PTPRO: variants seen among roughly 807,000 people sequenced by gnomAD.
The protein encoded by PTPRO is receptor-type tyrosine-protein phosphatase O.
Under a neutral mutation model 145.2 loss-of-function variants are expected in PTPRO, and 62 were observed. The observed-to-expected ratio is 0.43, with a 90% CI of 0.35 to 0.53. The LOEUF (loss-of-function observed/expected upper bound fraction) is 0.53. Among genes scored for constraint, PTPRO ranks in the 20% least tolerant of loss-of-function variants. PTPRO has a pLI of 0.01. For missense variants in PTPRO, 1,345 were observed against 1,482.7 expected (o/e 0.91, Z 1.53); for synonymous variants, 565 against 514.7 (o/e 1.10, Z -1.32).
At chr12:15,495,333 T>C (rs969784184) in intron 2 of PTPRO, among the ~76,000 whole-genome samples, 8 of 150,286 alleles carry the variant, frequency 5.3e-5, no homozygotes, top group African/African-American at 2.0e-4. Flanking sequence ...AAAACAAAGA[T>C]AGATTAAGAA....
chr12:15,338,494 C>T (rs1866847425), intron 1 of PTPRO, among the ~76,000 whole-genome samples: 1 of 152,102 alleles, frequency 6.6e-6, no homozygotes, highest in Admixed American at 6.5e-5. Context: ...TATTATGAAG[C>T]ACGTTGTATA....
intron 1 of PTPRO, among the ~76,000 whole-genome samples, chr12:15,405,675 T>A (rs1279962794): frequency 2.0e-5 from 3 of 152,234 alleles, no homozygotes; most frequent in Admixed American, 2.0e-4. Context: ...CATCTGACTG[T>A]ACAAAGTATT....
chr12:15,326,205 C>A (rs1565565251), intron 1 of PTPRO, among the ~76,000 whole-genome samples: 1 of 152,158 alleles, frequency 6.6e-6, no homozygotes. Context: ...GGCAGGTGAA[C>A]CATAATCCTT....
intron 1 of PTPRO, among the ~76,000 whole-genome samples, chr12:15,384,702 A>G (rs1017076038): frequency 2.0e-5 from 3 of 152,230 alleles, no homozygotes; most frequent in African/African-American, 7.2e-5. Context: ...AACACAATTT[A>G]GTCCACAGCA....
chr12:15,391,175 C>T (rs74927650), intron 1 of PTPRO, among the ~76,000 whole-genome samples: 3,103 of 152,236 alleles, frequency 0.02, 59 homozygotes, highest in South Asian at 0.035. Context: ...TAACACAGCC[C>T]ATCCCTTGCA....
chr12:15,324,903 A>G (rs1391768863), intron 1 of PTPRO, among the ~76,000 whole-genome samples: 1 of 152,206 alleles, frequency 6.6e-6, no homozygotes, highest in Non-Finnish European at 1.5e-5. Flanking sequence ...CACATGGTAT[A>G]ATCTCTTTAT....
intron 22 of PTPRO, among the ~76,000 whole-genome samples, chr12:15,581,394 C>T (rs1226296561): frequency 2.0e-5 from 3 of 151,386 alleles, no homozygotes; most frequent in African/African-American, 7.3e-5. Flanking sequence ...CTCTGCCTCC[C>T]AGGTTCAAGC....
chr12:15,385,971 A>G (rs1274363104), intron 1 of PTPRO, among the ~76,000 whole-genome samples: 1 of 152,096 alleles, frequency 6.6e-6, no homozygotes. Flanking sequence ...AGATTTTGTA[A>G]ATGTAAACTA....
Position 15,480,307 on chromosome 12 carries a change from T to C in PTPRO, c.76-3667T>C, listed in dbSNP as rs139162963. 3.3e-5 allele frequency among the ~76,000 whole-genome samples: 5 copies of C among 152,314 alleles called. No individual in the cohort carries two copies. In the East Asian group the frequency reaches 9.6e-4, roughly 29 times the overall value. On this transcript the variant is annotated intron_variant, in intron 1 of 26. Coordinates refer to ENST00000281171, the MANE Select transcript of PTPRO (RefSeq NM_030667.3). ...TCACATTTTCTTGGATATTTGTATA[T>C]TGACTAATTTTGGACTATTTCTTGA...
chr12:15,492,300 C>T (rs1337953532), intron 2 of PTPRO, among the ~76,000 whole-genome samples: 1 of 152,054 alleles, frequency 6.6e-6, no homozygotes, highest in Non-Finnish European at 1.5e-5. Flanking sequence ...ACAACGATAA[C>T]AGTTCAGATT....
intron 1 of PTPRO, among the ~76,000 whole-genome samples, chr12:15,435,738 G>C (rs190362820): frequency 1.9e-3 from 291 of 152,208 alleles, no homozygotes; most frequent in Middle Eastern, 3.4e-3. Flanking sequence ...GAAATAACCA[G>C]GACTTAGTGA....
At chr12:15,366,420 G>A (rs1938362983) in intron 1 of PTPRO, among the ~76,000 whole-genome samples, 1 of 152,112 alleles carries the variant, frequency 6.6e-6, no homozygotes, top group Non-Finnish European at 1.5e-5. Context: ...TTTAAACTTT[G>A]ACACTTTTTA....
At chr12:15,466,549 A>G (rs1006359309) in intron 1 of PTPRO, among the ~76,000 whole-genome samples, 1 of 152,234 alleles carries the variant, frequency 6.6e-6, no homozygotes, top group Non-Finnish European at 1.5e-5. Flanking sequence ...AGTAATATGC[A>G]TTAAATGTAA....
intron 1 of PTPRO, among the ~76,000 whole-genome samples, chr12:15,411,594 C>T (rs189707023): frequency 5.6e-4 from 86 of 152,304 alleles, no homozygotes; most frequent in African/African-American, 1.9e-3. Flanking sequence ...TGCTGTCATA[C>T]GTCTCACTAC....
chr12:15,344,230 T>C (rs1591720578), intron 1 of PTPRO, among the ~76,000 whole-genome samples: 1 of 152,222 alleles, frequency 6.6e-6, no homozygotes, highest in East Asian at 1.9e-4. Context: ...ACACTGGAAA[T>C]ATGCCACACT....
At chr12:15,389,288 T>C (rs1047202710) in intron 1 of PTPRO, among the ~76,000 whole-genome samples, 1 of 151,948 alleles carries the variant, frequency 6.6e-6, no homozygotes, top group Non-Finnish European at 1.5e-5. Context: ...TTTGTATTTT[T>C]AGTAGAGACG....
At chr12:15,442,652 A>T (rs1341479197) in intron 1 of PTPRO, among the ~76,000 whole-genome samples, 1 of 152,188 alleles carries the variant, frequency 6.6e-6, no homozygotes, top group African/African-American at 2.4e-5. Context: ...AAGTTTCAGG[A>T]TACAAAATCA....
chr12:15,553,358 GT>G (rs1373227273), intron 15 of PTPRO, among the ~76,000 whole-genome samples: 3 of 152,186 alleles, frequency 2.0e-5, no homozygotes, highest in Non-Finnish European at 4.4e-5. Context: ...CAGTACCAGT[GT>G]GGTGTTAGGG....
chr12:15,520,093 T>A (rs1419772427), intron 9 of PTPRO, 108 bp from the exon 10 acceptor site: 5 of 721,054 alleles, frequency 6.9e-6, no homozygotes, highest in African/African-American at 3.5e-5. Context: ...AAAGACAATA[T>A]AAAGGAAAAT....
Sources: gnomAD v4.1 joint callset for allele counts (sites outside exome capture counted in the v4.1 genomes callset) on GRCh38, gnomAD v4.1.1 for gene constraint, MANE v1.5 for transcripts, NCBI Gene and HGNC (gene_info 2026-07-23, HGNC 2026-07-21) for gene names.